Variants in NUP93 observed in about 807,000 individuals in gnomAD.
NUP93 encodes nuclear pore complex protein Nup93.
In NUP93, 55 loss-of-function variants were observed where a neutral mutation model predicts 107.8. The observed-to-expected ratio is 0.51, with a 90% CI of 0.41 to 0.64. The LOEUF (loss-of-function observed/expected upper bound fraction) is 0.64, where lower values mean the gene tolerates loss of function less well. Ranked by LOEUF, NUP93 falls within the 30% of genes least tolerant of loss-of-function variation. The pLI, the probability that NUP93 is intolerant of heterozygous loss-of-function variation, is 0.00. For synonymous variants in NUP93, 390 were observed against 397.5 expected (o/e 0.98, Z 0.22); for missense variants, 937 against 1,044.7 (o/e 0.90, Z 1.42).
Position 56,834,380 on chromosome 16 carries a change from G to C in NUP93, c.1675G>C (p.Asp559His). ...QYFYFLRDEK[D>H]SQGENMFLRC... is the part of the protein sequence containing the mutation. ...TTATTTCCCTTACAGGGATGAGAAA[G>C]ATAGTCAAGGAGAAAACATGTTTCT... Residue 559 changes from aspartate to histidine, a missense_variant, in exon 15 of 22, where the codon GAT becomes CAT. Physicochemically the swap from Asp to His is moderately conservative, Grantham distance 81. Coordinates refer to ENST00000308159, the MANE Select transcript of NUP93 (RefSeq NM_014669.5). The C allele has an allele frequency of 6.2e-7, 1 of 1,614,224 alleles. No homozygotes were observed. Among genetic ancestry groups the C allele is most frequent in the Non-Finnish European group, 8.5e-7 (1 of 1,180,042 alleles).
intron 20 of NUP93, among the ~76,000 whole-genome samples, chr16:56,841,121 T>G (rs539495581): frequency 1.3e-5 from 2 of 152,362 alleles, no homozygotes; most frequent in Non-Finnish European, 2.9e-5. Context: ...GACCTTCCCT[T>G]TATACCTGCT....
intron 3 of NUP93, among the ~76,000 whole-genome samples, chr16:56,768,285 T>C (rs1962250236): frequency 1.3e-5 from 2 of 152,320 alleles, no homozygotes; most frequent in South Asian, 4.1e-4. Flanking sequence ...GTCTTTTGGC[T>C]GGGCGCAGTG....
intron 4 of NUP93, among the ~76,000 whole-genome samples, chr16:56,799,286 G>A (rs556573166): frequency 1.3e-5 from 2 of 152,144 alleles, no homozygotes; most frequent in East Asian, 3.9e-4. Flanking sequence ...AAGCACACAC[G>A]CGAAACTAGC....
At chr16:56,801,490 G>A (rs566483123) in intron 4 of NUP93, among the ~76,000 whole-genome samples, 14 of 151,814 alleles carry the variant, frequency 9.2e-5, no homozygotes, top group African/African-American at 2.9e-4. Flanking sequence ...TCGGCTCACC[G>A]CAACCTCCAT....
intron 4 of NUP93, among the ~76,000 whole-genome samples, chr16:56,799,995 C>T: frequency 6.6e-6 from 1 of 152,194 alleles, no homozygotes; most frequent in East Asian, 1.9e-4. Flanking sequence ...CCAGCCCAGC[C>T]ATCATGGCAA....
chr16:56,777,037 C>T (rs1436956611), intron 3 of NUP93, among the ~76,000 whole-genome samples: 3 of 152,014 alleles, frequency 2.0e-5, no homozygotes, highest in South Asian at 2.1e-4. Flanking sequence ...TGTGTGTGCA[C>T]GCACGTGTGT....
chr16:56,807,654 T>C (rs935552808), intron 5 of NUP93, among the ~76,000 whole-genome samples: 1 of 152,214 alleles, frequency 6.6e-6, no homozygotes, highest in African/African-American at 2.4e-5. Context: ...CTTTTCTTAA[T>C]TGCCAGTGTT....
At position 56,843,742 on chromosome 16, in the gene NUP93, G is replaced by A. The variant is rs146816608; in HGVS notation, c.2350-757G>A. On this transcript the variant is annotated intron_variant, in intron 21 of 21. Coordinates refer to ENST00000308159, the MANE Select transcript of NUP93 (RefSeq NM_014669.5). ...GTTTGTTTTACACATCAGGTAAAAA[G>A]CATTTGCTTTTCCGTTTTCTTCTGG... Among the ~76,000 whole-genome samples, 488 of 152,328 alleles carry A rather than the reference G, an allele frequency of 3.2e-3. 1 individual carries two copies. The highest frequency in any genetic ancestry group is 0.011 in the African/African-American group (474 of 41,562).
rs541644406 is a variant in NUP93, at chr16:56,803,453, A to T, written c.361-2051A>T. Among the ~76,000 whole-genome samples the T allele has an allele frequency of 6.0e-3, 911 of 151,956 alleles. 4 individuals are homozygous for T. Among genetic ancestry groups the T allele is most frequent in the African/African-American group, 5.9e-3 (243 of 41,440 alleles). The stretch of plus-strand genomic sequence containing the variant: ...GCACTCCAGCCTGGGCAACAGAAAA[A>T]AATAATAATAATAATAATAAAACAC... On this transcript the variant is annotated intron_variant, in intron 4 of 21. Transcript: ENST00000308159.
intron 1 of NUP93, among the ~76,000 whole-genome samples, chr16:56,746,851 T>C (rs2144453539): frequency 6.6e-6 from 1 of 152,270 alleles, no homozygotes; most frequent in African/African-American, 2.4e-5. Flanking sequence ...GAAGTTGCCG[T>C]TGAGTCAAGA....
Position 56,837,676 on chromosome 16 carries a change from G to A in NUP93, c.1968G>A (p.Pro656=), listed in dbSNP as rs181881269. The change falls in exon 18 of 22, where the codon CCG becomes CCA. Residue 656 remains proline, a synonymous_variant. Coordinates refer to ENST00000308159, the MANE Select transcript of NUP93 (RefSeq NM_014669.5). Reference sequence around the variant, plus strand: ...CTGTCGTCCCCCAGATCAGTGCCCCGCAATCCAACAAGGAGAGGCTGAAGA... The same window carrying A: ...CTGTCGTCCCCCAGATCAGTGCCCCACAATCCAACAAGGAGAGGCTGAAGA... ...LSPVVPQISA[P]QSNKERLKNM... is the part of the protein sequence containing the mutation. 386 of 1,614,074 alleles carry A rather than the reference G, an allele frequency of 2.4e-4. No homozygotes were observed. The highest frequency in any genetic ancestry group is 3.0e-4 in the Non-Finnish European group (352 of 1,179,978).
At chr16:56,820,579 A>G (rs1963522925) in intron 6 of NUP93, among the ~76,000 whole-genome samples, 1 of 152,316 alleles carries the variant, frequency 6.6e-6, no homozygotes, top group East Asian at 1.9e-4. Flanking sequence ...GGCCTCCCAA[A>G]GTGCTGGGAT....
intron 5 of NUP93, among the ~76,000 whole-genome samples, chr16:56,817,023 A>G (rs1963447515): frequency 6.6e-6 from 1 of 152,156 alleles, no homozygotes; most frequent in Admixed American, 6.5e-5. Flanking sequence ...GCCAGCTTGA[A>G]AGGTGGCAGA....
At position 56,847,626 on chromosome 16, in the gene NUP93, CT is replaced by C. The variant is rs1407992099; in HGVS notation, c.*3021del. 1.3e-5 allele frequency: 2 copies of C among 152,210 alleles called. No homozygotes were observed. The highest frequency in any genetic ancestry group is 2.9e-5 in the Non-Finnish European group (2 of 68,040). The allele number at this position is 152,210 out of a possible 1,614,324, so 9.4% of individuals were successfully genotyped here. On this transcript the variant is annotated 3_prime_UTR_variant, in exon 22 of 22. Coordinates refer to ENST00000308159, the MANE Select transcript of NUP93 (RefSeq NM_014669.5). ...GAGATTTAATTTCACAGATTCTCTT[CT>C]TTTGGCTCAACAACAACAGCAACAA...
intron 5 of NUP93, among the ~76,000 whole-genome samples, chr16:56,810,999 T>A (rs1325317850): frequency 6.6e-6 from 1 of 152,242 alleles, no homozygotes; most frequent in Admixed American, 6.5e-5. Flanking sequence ...ACAGTATAAC[T>A]GCAATTTGTT....
Position 56,815,206 on chromosome 16 carries a change from TG to T in NUP93, c.490-3457del, listed in dbSNP as rs374158686. ...TACAACAACTGTGTCCTTGCAAAAATGCTTTAGTGCTGTTCTCCTTTTCATT... is the reference window on the plus strand; with the variant it reads ...TACAACAACTGTGTCCTTGCAAAAATCTTTAGTGCTGTTCTCCTTTTCATT... On this transcript the variant is annotated intron_variant, in intron 5 of 21. Coordinates refer to ENST00000308159, the MANE Select transcript of NUP93 (RefSeq NM_014669.5). Among the ~76,000 whole-genome samples, 390 of 152,332 alleles carry T rather than the reference TG, an allele frequency of 2.6e-3. 2 individuals carry two copies. The highest frequency in any genetic ancestry group is 8.8e-3 in the African/African-American group (364 of 41,570).
At chr16:56,839,152 C>T (rs559022895) in intron 19 of NUP93, 83 bp downstream of exon 19, 15 of 731,272 alleles carry the variant, frequency 2.1e-5, no homozygotes, top group Non-Finnish European at 3.2e-5. Context: ...TTACTTAAAA[C>T]AAAGGAGCTG....
In NUP93 at chr16:56,808,631, T is replaced by TACATTTATATAAATATATAAAA. The variant is rs1567399023; in HGVS notation, c.489+3001_489+3022dup. ...ATATAAATATTTATAAATATATAAATACATTTATATAAATATATAAAAATA... is the reference window on the plus strand; with the variant it reads ...ATATAAATATTTATAAATATATAAATACATTTATATAAATATATAAAAACATTTATATAAATATATAAAAATA... On this transcript the variant is annotated intron_variant, in intron 5 of 21. Transcript: ENST00000308159. Among the ~76,000 whole-genome samples the TACATTTATATAAATATATAAAA allele has an allele frequency of 1.1e-3, 147 of 135,180 alleles. 2 individuals are homozygous for TACATTTATATAAATATATAAAA. In the East Asian group the frequency reaches 0.027, roughly 25 times the overall value. 88.7% of individuals were successfully genotyped at this position (135,180 alleles called of 152,430 possible). A position where few individuals can be genotyped will look rare whatever the true frequency, so the allele number is the denominator to read the frequency against.
At chr16:56,841,559 C>G (rs1784388302) in intron 20 of NUP93, 146 bp from the exon 21 acceptor site, 2 of 959,064 alleles carry the variant, frequency 2.1e-6, no homozygotes, top group Admixed American at 4.9e-5. Context: ...CCATCAGCTC[C>G]TTTTGGGTGA....
Sources: allele counts gnomAD v4.1 joint callset (sites outside exome capture counted in the v4.1 genomes callset), GRCh38; gene constraint gnomAD v4.1.1; transcripts MANE v1.5; gene names NCBI Gene and HGNC (gene_info 2026-07-23, HGNC 2026-07-21).